USP45: variants seen among roughly 807,000 people sequenced by gnomAD.
USP45 encodes the protein ubiquitin carboxyl-terminal hydrolase 45.
Under a neutral mutation model 95.8 loss-of-function variants are expected in USP45, and 89 were observed. The observed-to-expected ratio is 0.93, with a 90% CI of 0.78 to 1.11. The LOEUF is 1.11. Ranked by LOEUF, USP45 falls within the 50% of genes least tolerant of loss-of-function variation. USP45 has a pLI of 0.00. For missense variants in USP45, 898 were observed against 942.5 expected, an observed-to-expected ratio of 0.95 and a Z score of 0.62; for synonymous variants, 281 against 316.2, an observed-to-expected ratio of 0.89 and a Z score of 1.18.
At chr6:99,452,468 C>T (rs1784108565) in intron 13 of USP45, among the ~76,000 whole-genome samples, 1 of 152,120 alleles carries the variant, frequency 6.6e-6, no homozygotes, top group Admixed American at 6.5e-5. Flanking sequence ...AAATCAAAAC[C>T]ACAGTGAGAT....
At position 99,435,836 on chromosome 6, in the gene USP45, C is replaced by A. The variant is rs764445412; in HGVS notation, c.2325G>T (p.Ala775=). Residue 775 remains alanine, a synonymous_variant, in exon 18 of 18, where the codon GCG becomes GCT. Transcript: ENST00000500704. ...TKKKNVPGLK[A]ADNESAGQWV... Reference sequence around the variant, plus strand: ...ACTGGCCTGCTGATTCATTATCAGCCGCTTTCAAACCTAGCAAAACAAAAA... The same window carrying A: ...ACTGGCCTGCTGATTCATTATCAGCAGCTTTCAAACCTAGCAAAACAAAAA... 14 of 1,607,632 alleles carry A rather than the reference C, an allele frequency of 8.7e-6. No homozygotes were observed. In the South Asian group the frequency reaches 1.3e-4, roughly 15 times the overall value.
At chr6:99,481,224 T>G (rs937324849) in intron 8 of USP45, among the ~76,000 whole-genome samples, 1 of 152,240 alleles carries the variant, frequency 6.6e-6, no homozygotes, top group Non-Finnish European at 1.5e-5. Flanking sequence ...TACACACATG[T>G]GCTAACATGG....
At chr6:99,491,173 G>A (rs1220542437) in intron 5 of USP45, among the ~76,000 whole-genome samples, 1 of 152,082 alleles carries the variant, frequency 6.6e-6, no homozygotes, top group Admixed American at 6.6e-5. Flanking sequence ...TAGAGCTTGG[G>A]GGCAAAGGCC....
chr6:99,483,645 T>C (rs923079584), intron 7 of USP45, among the ~76,000 whole-genome samples: 1 of 151,342 alleles, frequency 6.6e-6, no homozygotes, highest in African/African-American at 2.4e-5. Context: ...GAGACCATCC[T>C]GGCTAACAAG....
chr6:99,510,237 G>A lies in USP45; in HGVS notation c.-10-7C>T. On this transcript the variant is annotated splice_polypyrimidine_tract_variant and splice_region_variant and intron_variant, in intron 1 of 17. Transcript: ENST00000500704. ...CACCCGCATCTGTTATTTACTGAAG[G>A]GATTGAGGGAAAAAAATTCATACAT... 1 of 1,586,900 alleles carries A rather than the reference G, an allele frequency of 6.3e-7. No individual in the cohort carries two copies. Among genetic ancestry groups the A allele is most frequent in the Non-Finnish European group, 8.6e-7 (1 of 1,166,092 alleles).
chr6:99,515,692 G>A (rs1031284450), upstream of USP45, among the ~76,000 whole-genome samples: 7 of 151,852 alleles, frequency 4.6e-5, no homozygotes, highest in Non-Finnish European at 1.0e-4. Context: ...TGTTGCAGGA[G>A]TCCGGCTTAA....
intron 5 of USP45, among the ~76,000 whole-genome samples, chr6:99,498,216 A>G (rs1796706281): frequency 6.6e-6 from 1 of 152,198 alleles, no homozygotes. Context: ...AAACTCAGAG[A>G]TATTAAAAGA....
At chr6:99,482,992 T>C (rs984531211) in intron 7 of USP45, 109 bp from the exon 8 acceptor site, 3 of 904,442 alleles carry the variant, frequency 3.3e-6, no homozygotes, top group Non-Finnish European at 4.5e-6. Flanking sequence ...ATTGCCTCAA[T>C]TGTATTAAGA....
chr6:99,473,777 AACACAC>A (rs60031754), intron 9 of USP45, among the ~76,000 whole-genome samples: 1 of 127,744 alleles, frequency 7.8e-6, no homozygotes, highest in South Asian at 2.9e-4. Flanking sequence ...AAAAAAACAA[AACACAC>A]ACACACACAC....
Position 99,437,277 on chromosome 6 carries a change from C to T in USP45, c.2283G>A (p.Ser761=), listed in dbSNP as rs776906943. The part of the protein sequence containing the change: ...VKVRTPSRKL[S]EHNTKKKNVP... Reference sequence around the variant, plus strand: ...CATTTTTCTTTTTAGTGTTATGTTCCGATAATTTCCTGGAGGGTGTTCTCA... The same window carrying T: ...CATTTTTCTTTTTAGTGTTATGTTCTGATAATTTCCTGGAGGGTGTTCTCA... Residue 761 remains serine, a synonymous_variant, in exon 17 of 18, where the codon TCG becomes TCA. Transcript: ENST00000500704. The T allele has an allele frequency of 2.7e-5, 44 of 1,610,304 alleles. No homozygotes were observed. Among genetic ancestry groups the T allele is most frequent in the Middle Eastern group, 1.6e-4 (1 of 6,070 alleles).
intron 13 of USP45, among the ~76,000 whole-genome samples, chr6:99,457,123 TGATAA>T (rs1785276834): frequency 6.6e-6 from 1 of 152,238 alleles, no homozygotes; most frequent in Admixed American, 6.5e-5. Context: ...CCCTGTCTCC[TGATAA>T]GATGTTATCA....
upstream of USP45, among the ~76,000 whole-genome samples, chr6:99,517,694 T>G (rs1046184422): frequency 6.6e-6 from 1 of 151,790 alleles, no homozygotes; most frequent in African/African-American, 2.4e-5. Context: ...CCATCTGCCT[T>G]GGCCTCCCGA....
chr6:99,515,636 C>A (rs930194938), upstream of USP45: 1 of 152,216 alleles, frequency 6.6e-6, no homozygotes, highest in Non-Finnish European at 1.5e-5. Flanking sequence ...TCATAGCCAC[C>A]GACTAGCAAT....
chr6:99,516,151 T>C (rs557201269), upstream of USP45, among the ~76,000 whole-genome samples: 7 of 152,228 alleles, frequency 4.6e-5, no homozygotes, highest in South Asian at 1.0e-3. Context: ...TTGTGGTTTT[T>C]CCCCCATTGC....
chr6:99,454,689 G>T (rs1784617528), intron 13 of USP45, among the ~76,000 whole-genome samples: 1 of 152,148 alleles, frequency 6.6e-6, no homozygotes, highest in South Asian at 2.1e-4. Context: ...CCAGTTGAAT[G>T]GTTATTATCA....
chr6:99,487,237 A>T (rs1794127758), intron 7 of USP45, among the ~76,000 whole-genome samples: 1 of 152,156 alleles, frequency 6.6e-6, no homozygotes, highest in African/African-American at 2.4e-5. Flanking sequence ...TTCATTTCTC[A>T]TTTTGGCTGA....
Position 99,503,804 on chromosome 6 carries a change from C to T in USP45, c.439G>A (p.Val147Ile), listed in dbSNP as rs760900679. Residue 147 changes from valine to isoleucine, a missense_variant, in exon 5 of 18, where the codon GTT becomes ATT. Val to Ile is a conservative substitution (Grantham distance 29). Transcript: ENST00000500704. ...GAAGCATGTTTCTGGAGAAAATCAA[C>T]TATCTGAGCCAAAACCTTCTTATTA... ...HCNKKVLAQI[V>I]DFLQKHASKT... The T allele has an allele frequency of 3.7e-6, 6 of 1,602,080 alleles. No homozygotes were observed. The East Asian group carries it at 1.1e-4, about 30-fold the overall frequency.
At chr6:99,475,011 T>C (rs1047656903) in intron 9 of USP45, among the ~76,000 whole-genome samples, 2 of 152,204 alleles carry the variant, frequency 1.3e-5, no homozygotes, top group African/African-American at 4.8e-5. Context: ...TCTAAGAGGC[T>C]GGGACTCCTC....
Position 99,488,092 on chromosome 6 carries a change from C to T in USP45, c.714+108G>A, listed in dbSNP as rs945081060. ...AGAATGCTTTTAAATTATTTTTAAG[C>T]CCCCTGGCTACTATCTTAGTTGACT... On this transcript the variant is annotated intron_variant, in intron 7 of 17. Coordinates refer to ENST00000500704, the MANE Select transcript of USP45 (RefSeq NM_001346022.3). 6.0e-6 allele frequency: 4 copies of T among 670,058 alleles called. No homozygotes were observed. The East Asian group carries it at 8.8e-5, about 15-fold the overall frequency. The allele number at this position is 670,058 out of a possible 1,614,324, so 41.5% of individuals were successfully genotyped here.
Sources: gnomAD v4.1 joint callset for allele counts (sites outside exome capture counted in the v4.1 genomes callset) on GRCh38, gnomAD v4.1.1 for gene constraint, MANE v1.5 for transcripts, NCBI Gene and HGNC (gene_info 2026-07-23, HGNC 2026-07-21) for gene names.